The following NOBOX variants were observed in gnomAD, a reference collection of about 807,000 sequenced individuals.
NOBOX encodes the protein NOBOX oogenesis homeobox, also known as homeobox protein NOBOX.
In NOBOX, 46 loss-of-function variants were observed where a neutral mutation model predicts 60.2. That is an observed-to-expected ratio of 0.76 (90% CI 0.60 to 0.98). The LOEUF (loss-of-function observed/expected upper bound fraction) is 0.98. Among genes scored for constraint, NOBOX ranks in the 50% least tolerant of loss-of-function variants. The pLI is 0.00. For synonymous variants in NOBOX, 360 were observed against 346.3 expected (o/e 1.04, Z -0.44); for missense variants, 880 against 865.5 (o/e 1.02, Z -0.21).
intron 1 of NOBOX, among the ~76,000 whole-genome samples, chr7:144,408,337 A>T (rs1039042846): frequency 2.0e-5 from 3 of 151,968 alleles, no homozygotes; most frequent in African/African-American, 7.3e-5. Context: ...CCACAGCCAG[A>T]ATTAACTGCC....
At position 144,401,328 on chromosome 7, in the gene NOBOX, G is replaced by A; in HGVS notation, c.562C>T (p.Pro188Ser). ...TTTCCTATCTTCACCTCTCCCACTG[G>A]GAGGGAACAATCTTCCCCCTGAGTC... Residue 188 changes from proline (P) to serine (S), a missense_variant, in exon 4 of 10, where the codon CCA (proline) becomes TCA (serine). Coordinates refer to ENST00000467773, the MANE Select transcript of NOBOX (RefSeq NM_001080413.3). The surrounding 1 kb of genome is among the most constrained non-coding windows in gnomAD (Gnocchi z 4.2). 1 of 1,613,700 alleles carries A rather than the reference G, an allele frequency of 6.2e-7. No individual in the cohort carries two copies. The highest frequency in any genetic ancestry group is 1.1e-5 in the South Asian group (1 of 90,992).
rs191601773 is a variant in NOBOX, at chr7:144,400,790, G to A, written c.844+256C>T. 1.1e-4 allele frequency among the ~76,000 whole-genome samples: 17 copies of A among 152,202 alleles called. No individual in the cohort carries two copies. The East Asian group carries it at 2.5e-3, about 23-fold the overall frequency. ...TGACTTCAGGTAATCCACCTGCCTC[G>A]GCCTCCCAAAGTGCTGGGATTACAG... On this transcript the variant is annotated intron_variant, in intron 4 of 9. Coordinates refer to ENST00000467773, the MANE Select transcript of NOBOX (RefSeq NM_001080413.3).
rs756235165 is a variant in NOBOX, at chr7:144,399,028, T to TG, written c.1390dup (p.Gln464ProfsTer13). 3 of 1,582,452 alleles carry TG rather than the reference T, an allele frequency of 1.9e-6. No individual in the cohort carries two copies. Among genetic ancestry groups the TG allele is most frequent in the East Asian group, 2.3e-5 (1 of 43,216 alleles). ...AACATCCATCAGCAGTGGCATCAGT[T>TG]GGGGGGTGTGGACAGGGCCAAGGGG... is the stretch of plus-strand genomic sequence containing the variant. On this transcript the variant is annotated frameshift_variant, in exon 8 of 10. Transcript: ENST00000467773. LOFTEE classifies it high-confidence loss of function.
At position 144,407,234 on chromosome 7, in the gene NOBOX, G is replaced by A. The variant is rs559540580; in HGVS notation, c.86-2554C>T. ...ATCCTTCTCCCTCTCTCTCTATAAT[G>A]AGAAAAATAACCAGAAGAAGGCGGC... On this transcript the variant is annotated intron_variant, in intron 1 of 9. Coordinates refer to ENST00000467773, the MANE Select transcript of NOBOX (RefSeq NM_001080413.3). Among the ~76,000 whole-genome samples the A allele has an allele frequency of 1.2e-4, 18 of 152,212 alleles. No homozygotes were observed. The East Asian group carries it at 1.9e-3, about 16-fold the overall frequency.
chr7:144,404,038 G>C (rs1002965547), intron 2 of NOBOX, among the ~76,000 whole-genome samples: 2 of 152,122 alleles, frequency 1.3e-5, no homozygotes, highest in African/African-American at 4.8e-5. Context: ...AGGCTACCCG[G>C]TGGTCTTCGG....
intron 4 of NOBOX, among the ~76,000 whole-genome samples, 158 bp downstream of exon 2, chr7:144,400,888 G>C (rs926156064): frequency 4.6e-5 from 7 of 152,222 alleles, no homozygotes; most frequent in Non-Finnish European, 1.0e-4. Flanking sequence ...GAGGGTCAGA[G>C]ATAGTTGCAC....
rs1270802558 is a variant in NOBOX, at chr7:144,404,589, C to G, written c.177G>C (p.Arg59=). 1.2e-6 allele frequency: 2 copies of G among 1,613,806 alleles called. No individual in the cohort carries two copies. The highest frequency in any genetic ancestry group is 1.7e-6 in the Non-Finnish European group (2 of 1,179,886). The change falls in exon 2 of 10, where the codon CGG becomes CGC. Residue 59 remains arginine, a synonymous_variant. Transcript: ENST00000467773. ...GGGTCTCCAGAGCACAAAGGCTGCA[C>G]CGGATGATGAAGAAGGAGCTGAAAG...
chr7:144,400,974 A>G (rs2053933411), intron 4 of NOBOX, 72 bp downstream of exon 2: 2 of 1,318,532 alleles, frequency 1.5e-6, no homozygotes, highest in South Asian at 2.1e-5. Context: ...CTGGGGGTAG[A>G]TTCTTCACAC....
intron 1 of NOBOX, among the ~76,000 whole-genome samples, chr7:144,406,343 A>T (rs1025019500): frequency 6.6e-6 from 1 of 152,200 alleles, no homozygotes; most frequent in African/African-American, 2.4e-5. Context: ...AGATCACCTG[A>T]GGTCAGGAGT....
At chr7:144,403,846 C>T (rs958536691) in intron 2 of NOBOX, among the ~76,000 whole-genome samples, 153 bp from the exon 1 acceptor site, 5 of 151,914 alleles carry the variant, frequency 3.3e-5, no homozygotes, top group East Asian at 1.9e-4. Context: ...ACCCCCACCC[C>T]CAGGGCGAGG....
Position 144,401,004 on chromosome 7 carries a change from A to G in NOBOX, c.844+42T>C, listed in dbSNP as rs2053933676. 7.0e-7 allele frequency: 1 copy of G among 1,438,334 alleles called. No homozygotes were observed. The highest frequency in any genetic ancestry group is 1.8e-5 in the South Asian group (1 of 55,094). The allele number at this position is 1,438,334 out of a possible 1,614,324, so 89.1% of individuals were successfully genotyped here. A position where few individuals can be genotyped will look rare whatever the true frequency, so the allele number is the denominator to read the frequency against. The stretch of plus-strand genomic sequence containing the variant: ...TCACACAGCCCCACCTTTCCCCAGG[A>G]TGACCCCAGATCTCTTCGGTTTCCT... On this transcript the variant is annotated intron_variant, in intron 4 of 9. Coordinates refer to ENST00000467773, the MANE Select transcript of NOBOX (RefSeq NM_001080413.3). This position sits in a 1 kb window ranked among gnomAD's most constrained non-coding sequence, Gnocchi z 4.2.
At chr7:144,397,171 C>A (rs1304580946), downstream of NOBOX, 1 of 1,370,952 alleles carries the variant, frequency 7.3e-7, no homozygotes. Context: ...AAACCCCCAA[C>A]CCCTGTCCTC....
At chr7:144,404,735 T>C in intron 1 of NOBOX, 1 of 1,599,868 alleles carries the variant, frequency 6.3e-7, no homozygotes, top group African/African-American at 1.3e-5. Flanking sequence ...TTCGATTTTA[T>C]TCTCTGAGAA....
At chr7:144,406,564 G>GA (rs11393583) in intron 1 of NOBOX, among the ~76,000 whole-genome samples, 131,209 of 149,394 alleles carry the variant, frequency 0.88, 57,643 homozygotes, top group East Asian at 0.98. Context: ...TCTCAAAAAA[G>GA]AAAAAAAAAA....
At position 144,399,118 on chromosome 7, in the gene NOBOX, G is replaced by A. The variant is rs1175491206; in HGVS notation, c.1301C>T (p.Ala434Val). Residue 434 changes from alanine (A) to valine (V), a missense_variant, in exon 8 of 10, where the codon GCT becomes GTT. Physicochemically the swap from Ala to Val is moderately conservative, Grantham distance 64. Coordinates refer to ENST00000467773, the MANE Select transcript of NOBOX (RefSeq NM_001080413.3). ...GAGTGGGGGGGTCACCACCCTCTGA[G>A]CACCCTCACTGGGTTGGGTGGGGGC... 6.4e-7 allele frequency: 1 copy of A among 1,557,276 alleles called. No individual in the cohort carries two copies. Among genetic ancestry groups the A allele is most frequent in the Non-Finnish European group, 8.8e-7 (1 of 1,131,420 alleles).
intron 1 of NOBOX, among the ~76,000 whole-genome samples, chr7:144,407,510 A>C (rs1410229778): frequency 6.6e-6 from 1 of 152,350 alleles, no homozygotes; most frequent in East Asian, 1.9e-4. Flanking sequence ...CAAAGCAGAG[A>C]GAGCGAAGGG....
At chr7:144,408,566 A>T (rs2054001460) in intron 1 of NOBOX, among the ~76,000 whole-genome samples, 1 of 152,170 alleles carries the variant, frequency 6.6e-6, no homozygotes, top group South Asian at 2.1e-4. Context: ...TCCCCATCTT[A>T]TTGAAGAAAA....
chr7:144,398,205 C>T, intron 9 of NOBOX, 77 bp downstream of exon 7: 1 of 1,319,262 alleles, frequency 7.6e-7, no homozygotes, highest in Non-Finnish European at 1.1e-6. Flanking sequence ...TCAGTCTACC[C>T]TCCAGATAAC....
At chr7:144,398,896 C>A (rs945407857) in intron 8 of NOBOX, 54 bp downstream of exon 6, 7 of 974,902 alleles carry the variant, frequency 7.2e-6, no homozygotes, top group Admixed American at 2.1e-5. Context: ...TCCATCTACA[C>A]CCCCCTACCC....
Sources: gnomAD v4.1 joint callset for allele counts (sites outside exome capture counted in the v4.1 genomes callset) on GRCh38, gnomAD v4.1.1 for gene constraint, Gnocchi (gnomAD v3.1) non-coding constraint, MANE v1.5 for transcripts, NCBI Gene and HGNC (gene_info 2026-07-23, HGNC 2026-07-21) for gene names.